The following ERBB4 variants were observed in gnomAD, a reference collection of about 807,000 sequenced individuals.
The protein encoded by ERBB4 is receptor tyrosine-protein kinase erbB-4.
Under a neutral mutation model 158.0 loss-of-function variants are expected in ERBB4, and 42 were observed. The observed-to-expected ratio is 0.27, with a 90% CI of 0.21 to 0.34. The LOEUF is 0.34. ERBB4 is among the 10% of genes least tolerant of loss of function. The pLI is 1.00. For synonymous variants in ERBB4, 583 were observed against 558.7 expected, an observed-to-expected ratio of 1.04 and a Z score of -0.61; for missense variants, 1,333 against 1,624.1, an observed-to-expected ratio of 0.82 and a Z score of 3.08.
chr2:212,296,126 G>A (rs910609197), intron 1 of ERBB4, among the ~76,000 whole-genome samples: 7 of 151,928 alleles, frequency 4.6e-5, no homozygotes. Flanking sequence ...AGGTGAAGCA[G>A]CACTATATTA....
chr2:212,305,867 C>A (rs1300578921), intron 1 of ERBB4, among the ~76,000 whole-genome samples: 1 of 151,198 alleles, frequency 6.6e-6, no homozygotes, highest in East Asian at 2.0e-4. Flanking sequence ...TAAAAAGAAA[C>A]ATATTCAAAA....
chr2:211,978,396 G>GTCTGTCTTTCTATCTATCTATCTATCTA (rs77259627), intron 2 of ERBB4, among the ~76,000 whole-genome samples: 1 of 136,558 alleles, frequency 7.3e-6, no homozygotes, highest in African/African-American at 2.8e-5. Flanking sequence ...CTGTCTGTCT[G>GTCTGTCTTTCTATCTATCTATCTATCTA]TCTATCTATC....
chr2:211,573,135 G>A (rs1559309133), intron 19 of ERBB4, among the ~76,000 whole-genome samples: 1 of 152,150 alleles, frequency 6.6e-6, no homozygotes, highest in Non-Finnish European at 1.5e-5. Context: ...GGCAGAAGGA[G>A]ATTAGACACA....
At position 211,455,608 on chromosome 2, in the gene ERBB4, C is replaced by G. The variant is rs142545112; in HGVS notation, c.2488-24508G>C. 7.3e-3 allele frequency among the ~76,000 whole-genome samples: 1,114 copies of G among 152,260 alleles called. 6 individuals are homozygous for G. Among genetic ancestry groups the G allele is most frequent in the Non-Finnish European group, 0.011 (780 of 68,010 alleles). On this transcript the variant is annotated intron_variant, in intron 20 of 27. Coordinates refer to ENST00000342788, the MANE Select transcript of ERBB4 (RefSeq NM_005235.3). ...CAAATTAAAATGATTACTTAAGAAT[C>G]AAAATGACAAAACAGTTCATATTAT...
chr2:211,576,893 C>T (rs929882109), intron 19 of ERBB4, among the ~76,000 whole-genome samples: 1 of 151,892 alleles, frequency 6.6e-6, no homozygotes, highest in Admixed American at 6.6e-5. Flanking sequence ...ATGTTAAAAG[C>T]AAAAAGATAA....
At chr2:212,297,052 T>C (rs1373866708) in intron 1 of ERBB4, among the ~76,000 whole-genome samples, 1 of 151,928 alleles carries the variant, frequency 6.6e-6, no homozygotes, top group African/African-American at 2.4e-5. Flanking sequence ...ACAAGAACCC[T>C]GTCTGATGAA....
intron 2 of ERBB4, among the ~76,000 whole-genome samples, chr2:212,037,582 T>C (rs999596062): frequency 2.6e-5 from 4 of 152,190 alleles, no homozygotes; most frequent in African/African-American, 4.8e-5. Flanking sequence ...ACATTGGGTG[T>C]TCCAATGCAG....
intron 25 of ERBB4, among the ~76,000 whole-genome samples, chr2:211,392,889 T>C (rs2125333201): frequency 6.6e-6 from 1 of 152,154 alleles, no homozygotes; most frequent in South Asian, 2.1e-4. Context: ...ACTCCTGACC[T>C]CATGATCCAC....
chr2:211,516,673 C>T (rs1427721049), intron 20 of ERBB4, among the ~76,000 whole-genome samples: 1 of 152,044 alleles, frequency 6.6e-6, no homozygotes, highest in Non-Finnish European at 1.5e-5. Flanking sequence ...CTTAGTAAAA[C>T]TTACTAAGAG....
chr2:211,716,638 T>G (rs1237187616), intron 7 of ERBB4, among the ~76,000 whole-genome samples: 10 of 151,768 alleles, frequency 6.6e-5, no homozygotes, highest in Admixed American at 6.6e-4. Flanking sequence ...ATTGCGCCAC[T>G]GCATTCCGGC....
chr2:212,507,964 T>G (rs999398257), intron 1 of ERBB4, among the ~76,000 whole-genome samples: 2 of 152,124 alleles, frequency 1.3e-5, no homozygotes, highest in Middle Eastern at 3.2e-3. Flanking sequence ...AGTCAACAAA[T>G]GAGGCAAATT....
intron 14 of ERBB4, among the ~76,000 whole-genome samples, chr2:211,666,086 A>G (rs977492190): frequency 2.0e-5 from 3 of 152,196 alleles, no homozygotes; most frequent in African/African-American, 7.2e-5. Flanking sequence ...AAAATTTGTT[A>G]TGATAACATT....
chr2:212,495,093 CT>C (rs1203799597), intron 1 of ERBB4, among the ~76,000 whole-genome samples: 1 of 152,056 alleles, frequency 6.6e-6, no homozygotes, highest in Non-Finnish European at 1.5e-5. Context: ...TTCAGACGAC[CT>C]CAACTACCTT....
chr2:211,891,892 A>C (rs1304629440), intron 3 of ERBB4, among the ~76,000 whole-genome samples: 1 of 136,262 alleles, frequency 7.3e-6, no homozygotes, highest in Non-Finnish European at 1.6e-5. Flanking sequence ...CAATAACAGG[A>C]GCTGAAATTG....
intron 1 of ERBB4, among the ~76,000 whole-genome samples, chr2:212,323,436 G>T (rs193068455): frequency 4.7e-5 from 7 of 150,398 alleles, no homozygotes; most frequent in South Asian, 2.1e-4. Context: ...GTGGGGAAGG[G>T]TATGAGCTTG....
chr2:212,133,406 TGTTTTG>T lies in ERBB4; in HGVS notation c.83-8509_83-8504del, dbSNP rs1559561040. On this transcript the variant is annotated intron_variant, in intron 1 of 27. Transcript: ENST00000342788. ...TCTTTTCATTTTGGTGTTTTTTTTT[TGTTTTG>T]TTTTGTTTTTGTTTTTTTTTTTGCT... is the stretch of plus-strand genomic sequence containing the variant. Among the ~76,000 whole-genome samples, 274 of 57,308 alleles carry T rather than the reference TGTTTTG, an allele frequency of 4.8e-3. 2 individuals carry two copies. Among genetic ancestry groups the T allele is most frequent in the African/African-American group, 9.3e-3 (263 of 28,240 alleles). The allele number at this position is 57,308 out of a possible 152,430, so 37.6% of individuals were successfully genotyped here. A position where few individuals can be genotyped will look rare whatever the true frequency, so the allele number is the denominator to read the frequency against.
chr2:212,328,836 T>C (rs960192354), intron 1 of ERBB4, among the ~76,000 whole-genome samples: 2 of 152,052 alleles, frequency 1.3e-5, no homozygotes, highest in African/African-American at 4.8e-5. Flanking sequence ...TAGTTTCATT[T>C]CCTTTTGGTT....
Position 212,213,220 on chromosome 2 carries a change from GAAAA to G in ERBB4, c.83-88321_83-88318del, listed in dbSNP as rs58537353. Reference sequence around the variant, plus strand: ...ACAAGGAACTTAAACAAATTTACAAGAAAAAAACAACCCCATCAGAAAGTGGGAA... The same window carrying G: ...ACAAGGAACTTAAACAAATTTACAAGAAACAACCCCATCAGAAAGTGGGAA... On this transcript the variant is annotated intron_variant, in intron 1 of 27. Coordinates refer to ENST00000342788, the MANE Select transcript of ERBB4 (RefSeq NM_005235.3). Among the ~76,000 whole-genome samples the G allele has an allele frequency of 2.0e-5, 3 of 151,468 alleles. No homozygotes were observed. In the East Asian group the frequency reaches 5.8e-4, roughly 29 times the overall value.
At chr2:211,795,935 T>C (rs1312146881) in intron 3 of ERBB4, among the ~76,000 whole-genome samples, 1 of 151,926 alleles carries the variant, frequency 6.6e-6, no homozygotes, top group African/African-American at 2.4e-5. Context: ...TTATAGTGAC[T>C]CAAAAGAAAC....
Sources: allele counts gnomAD v4.1 joint callset (sites outside exome capture counted in the v4.1 genomes callset), GRCh38; gene constraint gnomAD v4.1.1; transcripts MANE v1.5; gene names NCBI Gene and HGNC (gene_info 2026-07-23, HGNC 2026-07-21).